Variants in MYH10 observed in about 807,000 individuals in gnomAD.
The protein encoded by MYH10 is myosin heavy chain 10, also known as myosin-10.
A neutral mutation model predicts 257.8 loss-of-function variants in MYH10; 55 were observed. The observed-to-expected ratio is 0.21, with a 90% confidence interval of 0.17 to 0.27. The LOEUF is 0.27. Ranked by LOEUF, MYH10 falls within the 10% of genes least tolerant of loss-of-function variation. The pLI is 1.00. For synonymous variants in MYH10, 854 were observed against 921.7 expected, an observed-to-expected ratio of 0.93 and a Z score of 1.33; for missense variants, 1,631 against 2,500.6, an observed-to-expected ratio of 0.65 and a Z score of 7.42.
intron 35 of MYH10, among the ~76,000 whole-genome samples, chr17:8,489,708 AAC>A (rs59065540): frequency 2.1e-5 from 2 of 93,084 alleles, no homozygotes; most frequent in African/African-American, 7.4e-5. Flanking sequence ...CGTCTGAAAA[AAC>A]ACACACACAC....
rs1432321891 is a variant in MYH10, at chr17:8,545,547, G to C, written c.1332C>G (p.Arg444=). The change falls in exon 13 of 43, where the codon CGC becomes CGG. Residue 444 remains arginine (R), a synonymous_variant. Coordinates refer to ENST00000360416, the MANE Select transcript of MYH10 (RefSeq NM_001256012.3). This position sits in a 1 kb window ranked among gnomAD's most constrained non-coding sequence, Gnocchi z 4.7. ...CTTTATTGATGCGATGAACGAGCCA[G>C]CGAAAGAGCCGCTCATAGGTAGCTT... is the stretch of plus-strand genomic sequence containing the variant. ...LAKATYERLF[R]WLVHRINKAL... 1 of 1,614,130 alleles carries C rather than the reference G, an allele frequency of 6.2e-7. No individual in the cohort carries two copies. Among genetic ancestry groups the C allele is most frequent in the Admixed American group, 1.7e-5 (1 of 60,006 alleles).
chr17:8,583,318 A>G (rs915329723), intron 4 of MYH10, among the ~76,000 whole-genome samples: 1 of 152,258 alleles, frequency 6.6e-6, no homozygotes, highest in African/African-American at 2.4e-5. Context: ...TGAGACACAC[A>G]TCTAATAATT....
intron 2 of MYH10, among the ~76,000 whole-genome samples, chr17:8,612,854 CAA>C (rs540861293): frequency 3.5e-5 from 4 of 113,252 alleles, no homozygotes; most frequent in Non-Finnish European, 3.8e-5. Context: ...TGTTCTGTCT[CAA>C]AAAAAAAAAA....
intron 9 of MYH10, among the ~76,000 whole-genome samples, chr17:8,551,628 C>G (rs2151963857): frequency 6.6e-6 from 1 of 152,196 alleles, no homozygotes; most frequent in South Asian, 2.1e-4. Context: ...CAATCAATAT[C>G]CACCACAGGC....
chr17:8,530,598 AG>A, intron 17 of MYH10, 24 bp downstream of exon 17: 1 of 1,489,606 alleles, frequency 6.7e-7, no homozygotes. Flanking sequence ...CTGTTTTGGA[AG>A]ACCTACAGGC....
chr17:8,530,972 C>T (rs2081989369), intron 16 of MYH10, among the ~76,000 whole-genome samples: 1 of 152,090 alleles, frequency 6.6e-6, no homozygotes, highest in Admixed American at 6.5e-5. Context: ...TGCAAGATGA[C>T]ATTTATGAGG....
chr17:8,608,945 G>C (rs1380286162), intron 2 of MYH10, among the ~76,000 whole-genome samples: 1 of 152,166 alleles, frequency 6.6e-6, no homozygotes, highest in Non-Finnish European at 1.5e-5. Context: ...CGCGTAGCTG[G>C]GACTACAGGC....
intron 36 of MYH10, among the ~76,000 whole-genome samples, chr17:8,486,508 A>G (rs1209323502): frequency 6.7e-6 from 1 of 149,744 alleles, no homozygotes; most frequent in Non-Finnish European, 1.5e-5. Flanking sequence ...TATCTCTGGG[A>G]AAAAAAACAA....
chr17:8,508,522 AGTCCCT>A (rs779667423), intron 26 of MYH10, 26 bp downstream of exon 26: 1 of 1,613,652 alleles, frequency 6.2e-7, no homozygotes, highest in Admixed American at 1.7e-5. Context: ...CACATGTCCT[AGTCCCT>A]GATTTCTCTA....
chr17:8,585,123 G>A (rs956976174), intron 4 of MYH10, among the ~76,000 whole-genome samples: 5 of 151,890 alleles, frequency 3.3e-5, no homozygotes, highest in South Asian at 2.1e-4. Context: ...GATTACAGGC[G>A]TGAGCCATCA....
chr17:8,621,387 C>T (rs976970825), intron 2 of MYH10, among the ~76,000 whole-genome samples: 1 of 152,028 alleles, frequency 6.6e-6, no homozygotes, highest in South Asian at 2.1e-4. Context: ...CCATTCCTAC[C>T]GAACGAGGAC....
At chr17:8,572,057 T>G (rs1180490816) in intron 6 of MYH10, among the ~76,000 whole-genome samples, 2 of 152,100 alleles carry the variant, frequency 1.3e-5, no homozygotes, top group Non-Finnish European at 2.9e-5. Context: ...TTCCTTAAAA[T>G]CACACACCAT....
intron 7 of MYH10, among the ~76,000 whole-genome samples, chr17:8,559,763 T>C (rs1444504445): frequency 6.6e-6 from 1 of 152,220 alleles, no homozygotes; most frequent in African/African-American, 2.4e-5. Context: ...ATCCTATGAA[T>C]AGTTAGAACT....
intron 16 of MYH10, among the ~76,000 whole-genome samples, chr17:8,534,388 C>G (rs1555591668): frequency 7.9e-5 from 12 of 152,214 alleles, no homozygotes; most frequent in Non-Finnish European, 4.4e-5. Context: ...GCATCCCCCC[C>G]TGCAGCTCCC....
intron 11 of MYH10, 76 bp from the exon 12 acceptor site, chr17:8,546,738 A>G: frequency 9.4e-7 from 1 of 1,061,122 alleles, no homozygotes; most frequent in Non-Finnish European, 1.4e-6. Context: ...TAAACACTGG[A>G]AAAACCTTAG....
intron 36 of MYH10, among the ~76,000 whole-genome samples, chr17:8,486,856 A>ATCTT (rs1914900832): frequency 6.6e-6 from 1 of 152,232 alleles, no homozygotes; most frequent in Admixed American, 6.5e-5. Context: ...TCTGCTAAAG[A>ATCTT]TCTTTGTACA....
chr17:8,600,119 G>C (rs1417991757), intron 3 of MYH10, among the ~76,000 whole-genome samples: 1 of 152,206 alleles, frequency 6.6e-6, no homozygotes, highest in Admixed American at 6.5e-5. Context: ...TCCATTATGT[G>C]AGCATAACTC....
chr17:8,572,101 C>A (rs1333948095), intron 6 of MYH10, among the ~76,000 whole-genome samples: 1 of 152,134 alleles, frequency 6.6e-6, no homozygotes, highest in African/African-American at 2.4e-5. Context: ...CTTTGATAGT[C>A]CATCTTTAAA....
chr17:8,479,679 T>G (rs1435158119), intron 40 of MYH10, among the ~76,000 whole-genome samples: 1 of 152,240 alleles, frequency 6.6e-6, no homozygotes, highest in African/African-American at 2.4e-5. Context: ...GTACAATTTC[T>G]CATCAATTTC....
Sources: allele counts gnomAD v4.1 joint callset (sites outside exome capture counted in the v4.1 genomes callset), GRCh38; gene constraint gnomAD v4.1.1; non-coding constraint Gnocchi (gnomAD v3.1); transcripts MANE v1.5; gene names NCBI Gene and HGNC (gene_info 2026-07-23, HGNC 2026-07-21).